ZDHHC11B: variants seen among roughly 807,000 people sequenced by gnomAD.
ZDHHC11B encodes probable palmitoyltransferase ZDHHC11B.
A neutral mutation model predicts 42.3 loss-of-function variants in ZDHHC11B; 17 were observed. That is an observed-to-expected ratio of 0.40 (90% CI 0.27 to 0.60). The LOEUF is 0.60. ZDHHC11B is among the 20% of genes least tolerant of loss of function. The probability of loss-of-function intolerance (pLI) is 0.41; values close to 1 mark genes in which losing one functional copy is unlikely to be tolerated. For missense variants in ZDHHC11B, 262 were observed against 463.2 expected, an observed-to-expected ratio of 0.57 and a Z score of 3.99; for synonymous variants, 123 against 193.5, an observed-to-expected ratio of 0.64 and a Z score of 3.02.
intron 11 of ZDHHC11B, 36 bp from the exon 12 acceptor site, chr5:730,504 A>T (rs760992274): frequency 1.3e-6 from 2 of 1,545,132 alleles, no homozygotes; most frequent in African/African-American, 2.8e-5. Flanking sequence ...CTTAGGATGA[A>T]CAAAGACCTT....
At chr5:778,562 C>T (rs1403167487) in intron 1 of ZDHHC11B, among the ~76,000 whole-genome samples, 14 of 151,804 alleles carry the variant, frequency 9.2e-5, no homozygotes, top group African/African-American at 3.4e-4. Flanking sequence ...CCGCCCCAGC[C>T]CACTCACTGC....
At position 748,503 on chromosome 5, in the gene ZDHHC11B, G is replaced by C; in HGVS notation, c.685C>G (p.Gln229Glu). Reference sequence around the variant, plus strand: ...CTGATGATCACGACTATCAGAGTCTGCACCTGCACCGGGAACAGGGGGAGG... The same window carrying C: ...CTGATGATCACGACTATCAGAGTCTCCACCTGCACCGGGAACAGGGGGAGG... ...LFLPLFPVQV[Q>E]TLIVVIIRML... Residue 229 changes from glutamine to glutamate, a missense_variant, in exon 8 of 14, where the codon CAG becomes GAG. Physicochemically the swap from Gln to Glu is conservative, Grantham distance 29 (BLOSUM62 2). Coordinates refer to ENST00000508859, the MANE Select transcript of ZDHHC11B (RefSeq NM_001351303.2). 2 of 1,365,078 alleles carry C rather than the reference G, an allele frequency of 1.5e-6. No homozygotes were observed. The highest frequency in any genetic ancestry group is 2.0e-6 in the Non-Finnish European group (2 of 1,024,890). The allele number at this position is 1,365,078 out of a possible 1,614,324, so 84.6% of individuals were successfully genotyped here.
chr5:754,562 G>A (rs1336538182), intron 6 of ZDHHC11B, among the ~76,000 whole-genome samples: 1 of 107,576 alleles, frequency 9.3e-6, no homozygotes, highest in East Asian at 3.7e-4. Flanking sequence ...CCGTGCTCAG[G>A]GGAAACACCT....
intron 6 of ZDHHC11B, among the ~76,000 whole-genome samples, chr5:751,746 G>A (rs71591193): frequency 0.72 from 88,016 of 122,202 alleles, 36,948 homozygotes; most frequent in East Asian, 0.94. Flanking sequence ...ATCCTGTGAC[G>A]CCCCCCCAGG....
intron 7 of ZDHHC11B, among the ~76,000 whole-genome samples, chr5:750,164 G>T (rs1745415022): frequency 3.4e-5 from 4 of 117,612 alleles, no homozygotes; most frequent in African/African-American, 1.2e-4. Context: ...GCACCCCGAG[G>T]GGCTTCTCTG....
intron 1 of ZDHHC11B, among the ~76,000 whole-genome samples, chr5:777,650 A>G (rs1257688007): frequency 3.9e-5 from 6 of 151,946 alleles, no homozygotes; most frequent in Admixed American, 2.6e-4. Context: ...GGTCCGTTTT[A>G]CAGAGCGTTG....
intron 4 of ZDHHC11B, among the ~76,000 whole-genome samples, chr5:764,784 C>T (rs372480442): frequency 2.5e-3 from 383 of 151,236 alleles, no homozygotes; most frequent in African/African-American, 8.8e-3. Flanking sequence ...CACCTGCCCC[C>T]GGTGTGGGAG....
At chr5:722,949 TC>T (rs1561117306) in intron 12 of ZDHHC11B, among the ~76,000 whole-genome samples, 1 of 151,588 alleles carries the variant, frequency 6.6e-6, no homozygotes, top group Non-Finnish European at 1.5e-5. Context: ...GAAAAAGTAT[TC>T]AATGTATTGC....
At chr5:757,814 G>A (rs1734067220) in intron 4 of ZDHHC11B, among the ~76,000 whole-genome samples, 1 of 151,844 alleles carries the variant, frequency 6.6e-6, no homozygotes, top group Admixed American at 6.6e-5. Flanking sequence ...GGGAGCTGCT[G>A]CCCAGGCCGG....
chr5:754,389 T>C (rs5028825), intron 6 of ZDHHC11B, among the ~76,000 whole-genome samples: 11,422 of 26,192 alleles, frequency 0.44, 4,523 homozygotes, highest in Non-Finnish European at 0.54. Flanking sequence ...CTCATCCTTG[T>C]GCCTCCACCA....
chr5:751,874 T>G (rs11955856), intron 6 of ZDHHC11B, among the ~76,000 whole-genome samples: 60,099 of 105,318 alleles, frequency 0.57, 18,817 homozygotes, highest in Middle Eastern at 0.66. Flanking sequence ...CAAGGAACAA[T>G]GAGGTTGTGA....
chr5:770,072 C>T (rs1195377149), intron 1 of ZDHHC11B, among the ~76,000 whole-genome samples: 12 of 151,806 alleles, frequency 7.9e-5, no homozygotes, highest in Non-Finnish European at 1.3e-4. Context: ...ACTTGGGGGG[C>T]GTCCTGTTGG....
intron 12 of ZDHHC11B, among the ~76,000 whole-genome samples, chr5:725,371 T>TCGGAGAAC (rs1742519203): frequency 1.4e-5 from 2 of 138,174 alleles, no homozygotes; most frequent in African/African-American, 5.4e-5. Context: ...CTTCCCAGGC[T>TCGGAGAAC]CTGGAATGGT....
At chr5:765,424 C>G (rs1735140274) in intron 4 of ZDHHC11B, among the ~76,000 whole-genome samples, 1 of 151,920 alleles carries the variant, frequency 6.6e-6, no homozygotes, top group Non-Finnish European at 1.5e-5. Flanking sequence ...ACTTGGAGAA[C>G]TTTTGTGTCT....
At chr5:724,991 C>A (rs1219260756) in intron 12 of ZDHHC11B, among the ~76,000 whole-genome samples, 1 of 148,626 alleles carries the variant, frequency 6.7e-6, no homozygotes, top group Admixed American at 6.7e-5. Flanking sequence ...GAGCAGCACC[C>A]TTCAGGACCC....
chr5:724,203 T>A (rs1429980225), intron 12 of ZDHHC11B, among the ~76,000 whole-genome samples: 5 of 150,300 alleles, frequency 3.3e-5, no homozygotes, highest in Non-Finnish European at 7.4e-5. Context: ...GTTCCATCTT[T>A]TTTATTTATT....
In ZDHHC11B at chr5:766,808, G is replaced by C; in HGVS notation, c.112C>G (p.Leu38Val). 1 of 1,612,726 alleles carries C rather than the reference G, an allele frequency of 6.2e-7. No individual in the cohort carries two copies. The highest frequency in any genetic ancestry group is 8.5e-7 in the Non-Finnish European group (1 of 1,179,246). Residue 38 changes from leucine (L) to valine (V), a missense_variant, in exon 4 of 14, where the codon CTG (leucine) becomes GTG (valine). Transcript: ENST00000508859. The stretch of plus-strand genomic sequence containing the variant: ...CAAGTCACCACCCGGAAGTAGTGCA[G>C]GGGTAACGACCAGCCGTTCACTCTG... ...ISRVNGWSLP[L>V]HYFRVVTWAV...
intron 1 of ZDHHC11B, among the ~76,000 whole-genome samples, chr5:775,231 G>A (rs1366148832): frequency 2.6e-5 from 4 of 151,940 alleles, no homozygotes; most frequent in Non-Finnish European, 4.4e-5. Flanking sequence ...AGCTCCACCT[G>A]CTCTGGAGAA....
intron 4 of ZDHHC11B, among the ~76,000 whole-genome samples, chr5:766,297 C>T (rs1233430445): frequency 7.8e-5 from 6 of 77,334 alleles, no homozygotes; most frequent in Admixed American, 1.6e-4. Context: ...GGAGCAGACC[C>T]GGGACCCCTG....
Sources: gnomAD v4.1 joint callset for allele counts (sites outside exome capture counted in the v4.1 genomes callset) on GRCh38, gnomAD v4.1.1 for gene constraint, MANE v1.5 for transcripts, NCBI Gene and HGNC (gene_info 2026-07-23, HGNC 2026-07-21) for gene names.